The following CXCL13 variants were observed in gnomAD, a reference collection of about 807,000 sequenced individuals.
CXCL13 encodes the protein C-X-C motif chemokine ligand 13.
A neutral mutation model predicts 12.2 loss-of-function variants in CXCL13; 7 were observed. That is an observed-to-expected ratio of 0.57 (90% CI 0.33 to 1.07). The LOEUF is 1.07. CXCL13 is among the 50% of genes least tolerant of loss of function. The probability of loss-of-function intolerance (pLI) is 0.04; values close to 1 mark genes in which losing one functional copy is unlikely to be tolerated. For missense variants in CXCL13, 113 were observed against 127.4 expected (o/e 0.89, Z 0.55); for synonymous variants, 47 against 42.4 (o/e 1.11, Z -0.42).
At chr4:77,518,185 C>A (rs1308743691) in intron 1 of CXCL13, among the ~76,000 whole-genome samples, 1 of 152,172 alleles carries the variant, frequency 6.6e-6, no homozygotes, top group Non-Finnish European at 1.5e-5. Flanking sequence ...GATGGGCTTC[C>A]CTTTGTGGGT....
At chr4:77,516,238 A>T (rs1724415731) in intron 1 of CXCL13, among the ~76,000 whole-genome samples, 1 of 152,158 alleles carries the variant, frequency 6.6e-6, no homozygotes, top group South Asian at 2.1e-4. Context: ...TTTTGCATCA[A>T]TGTTCATCAA....
At chr4:77,531,174 G>A (rs542837433) in intron 1 of CXCL13, among the ~76,000 whole-genome samples, 33 of 150,388 alleles carry the variant, frequency 2.2e-4, no homozygotes, top group African/African-American at 8.0e-4. Context: ...TGCACAACGT[G>A]CTGGTTTGTT....
At position 77,558,724 on chromosome 4, in the gene CXCL13, TC is replaced by T. The variant is rs765176869; in HGVS notation, c.-43+46939del. On this transcript the variant is annotated intron_variant, in intron 1 of 4. Coordinates refer to the CXCL13 transcript ENST00000286758. ...ATATGGGGGGCATCAACTGCAATGT[TC>T]CCATACCACGTGTCAGGGTCTTATT... Among the ~76,000 whole-genome samples, 215 of 152,280 alleles carry T rather than the reference TC, an allele frequency of 1.4e-3. 1 individual carries two copies. In the Middle Eastern group the frequency reaches 0.017, roughly 12 times the overall value.
At chr4:77,530,056 C>A (rs1724867083) in intron 1 of CXCL13, among the ~76,000 whole-genome samples, 1 of 152,124 alleles carries the variant, frequency 6.6e-6, no homozygotes, top group African/African-American at 2.4e-5. Flanking sequence ...GTCATTGGTT[C>A]TTTTTATATG....
chr4:77,546,139 A>G (rs910254372), intron 1 of CXCL13, among the ~76,000 whole-genome samples: 12 of 152,160 alleles, frequency 7.9e-5, no homozygotes, highest in African/African-American at 2.9e-4. Flanking sequence ...GTGCTGCTGG[A>G]TTTGGCTTGC....
chr4:77,523,555 C>T (rs1361212538), intron 1 of CXCL13, among the ~76,000 whole-genome samples: 1 of 152,172 alleles, frequency 6.6e-6, no homozygotes, highest in Non-Finnish European at 1.5e-5. Flanking sequence ...TGGTTTTCAG[C>T]TCCATCAGGT....
chr4:77,539,083 G>C (rs1469146557), intron 1 of CXCL13, among the ~76,000 whole-genome samples: 3 of 133,084 alleles, frequency 2.3e-5, no homozygotes, highest in African/African-American at 8.5e-5. Context: ...TTTTCCTTTT[G>C]AAATGGAGTC....
rs1017009921 is a variant in CXCL13 at position 77,523,364 on chromosome 4, G to T, written c.-43+11576G>T. On this transcript the variant is annotated intron_variant, in intron 1 of 4. Transcript: ENST00000286758. ...GGTACACCAATCAAATGTAGATTTGGTCTTTTCATAGAGTCGCATATTTCT... is the reference window on the plus strand; with the variant it reads ...GGTACACCAATCAAATGTAGATTTGTTCTTTTCATAGAGTCGCATATTTCT... 1.4e-4 allele frequency among the ~76,000 whole-genome samples: 22 copies of T among 152,212 alleles called. 1 individual carries two copies. Among genetic ancestry groups the T allele is most frequent in the Middle Eastern group, 6.8e-3 (2 of 294 alleles).
chr4:77,603,027 G>T (rs1726913337), upstream of CXCL13, among the ~76,000 whole-genome samples: 1 of 152,158 alleles, frequency 6.6e-6, no homozygotes, highest in Admixed American at 6.5e-5. Flanking sequence ...TTTTAGAATT[G>T]TTCTGCAATT....
chr4:77,561,824 G>A (rs1725821778), intron 1 of CXCL13, among the ~76,000 whole-genome samples: 2 of 152,314 alleles, frequency 1.3e-5, no homozygotes, highest in South Asian at 2.1e-4. Context: ...CTGCACTGTG[G>A]GAGCCCCTCT....
chr4:77,563,486 A>G (rs1725861949), intron 1 of CXCL13, among the ~76,000 whole-genome samples: 1 of 152,206 alleles, frequency 6.6e-6, no homozygotes, highest in African/African-American at 2.4e-5. Context: ...CCATAATTAA[A>G]TCCTTATCTC....
At chr4:77,520,147 G>A (rs544896584) in intron 1 of CXCL13, among the ~76,000 whole-genome samples, 11 of 152,152 alleles carry the variant, frequency 7.2e-5, no homozygotes, top group South Asian at 2.1e-4. Context: ...GTCAGGTAGC[G>A]TGATGCCTCC....
At chr4:77,533,759 G>T (rs1331478144) in intron 1 of CXCL13, among the ~76,000 whole-genome samples, 2 of 152,156 alleles carry the variant, frequency 1.3e-5, no homozygotes, top group Non-Finnish European at 2.9e-5. Context: ...CAGCCTCGCT[G>T]CCACCTTGCA....
Position 77,610,596 on chromosome 4 carries a change from A to G in CXCL13, c.198-18A>G. 1 of 1,578,976 alleles carries G rather than the reference A, an allele frequency of 6.3e-7. No individual in the cohort carries two copies. Among genetic ancestry groups the G allele is most frequent in the Non-Finnish European group, 8.7e-7 (1 of 1,148,154 alleles). On this transcript the variant is annotated intron_variant, in intron 2 of 3. Coordinates refer to ENST00000682537, the MANE Select transcript of CXCL13 (RefSeq NM_001371558.1). ...CTAAAATGTAAGACTGAATTATTTA[A>G]TTTTTATTTTCCCCCAGAGTCTGGA...
At chr4:77,551,043 A>T (rs1029934276) in intron 1 of CXCL13, among the ~76,000 whole-genome samples, 7 of 152,158 alleles carry the variant, frequency 4.6e-5, no homozygotes, top group African/African-American at 1.7e-4. Flanking sequence ...GATCTCTTGA[A>T]GACAGCAGAC....
At chr4:77,535,511 A>G (rs1725038978) in intron 1 of CXCL13, among the ~76,000 whole-genome samples, 1 of 152,172 alleles carries the variant, frequency 6.6e-6, no homozygotes, top group South Asian at 2.1e-4. Flanking sequence ...GATGGAGACT[A>G]TGTTTCCTCC....
At chr4:77,610,095 A>G (rs1183073192) in intron 2 of CXCL13, among the ~76,000 whole-genome samples, 1 of 152,192 alleles carries the variant, frequency 6.6e-6, no homozygotes, top group Non-Finnish European at 1.5e-5. Context: ...AATCTTGCTA[A>G]GTGGTAATTC....
intron 1 of CXCL13, among the ~76,000 whole-genome samples, chr4:77,528,797 T>C (rs1369082018): frequency 6.6e-6 from 1 of 152,242 alleles, no homozygotes; most frequent in Non-Finnish European, 1.5e-5. Context: ...ATCCCATTTG[T>C]CAATTTTGGC....
chr4:77,533,009 A>G (rs1292767728), intron 1 of CXCL13, among the ~76,000 whole-genome samples: 2 of 150,310 alleles, frequency 1.3e-5, no homozygotes, highest in African/African-American at 2.5e-5. Context: ...GAGTAGTTTG[A>G]TCGTCTGAAG....
Sources: allele counts gnomAD v4.1 joint callset (sites outside exome capture counted in the v4.1 genomes callset), GRCh38; gene constraint gnomAD v4.1.1; transcripts MANE v1.5; gene names NCBI Gene and HGNC (gene_info 2026-07-23, HGNC 2026-07-21).